The following FAM110B variants were observed in gnomAD, a reference collection of about 807,000 sequenced individuals.
The protein encoded by FAM110B is protein FAM110B.
A neutral mutation model predicts 20.4 loss-of-function variants in FAM110B; 6 were observed. The ratio of observed to expected loss-of-function variants is 0.29; its 90% CI spans 0.16 to 0.58. The LOEUF is 0.58. FAM110B is among the 20% of genes least tolerant of loss of function. The probability of loss-of-function intolerance (pLI) is 0.90; values close to 1 mark genes in which losing one functional copy is unlikely to be tolerated. For synonymous variants in FAM110B, 226 were observed against 214.1 expected, an observed-to-expected ratio of 1.06 and a Z score of -0.49; for missense variants, 434 against 498.2, an observed-to-expected ratio of 0.87 and a Z score of 1.23.
At chr8:58,134,871 T>C (rs1803572854) in intron 3 of FAM110B, among the ~76,000 whole-genome samples, 1 of 152,208 alleles carries the variant, frequency 6.6e-6, no homozygotes, top group Non-Finnish European at 1.5e-5. Flanking sequence ...GGTTATTTGG[T>C]TTAACAAAAA....
chr8:58,069,411 A>T (rs1805841318), intron 2 of FAM110B, among the ~76,000 whole-genome samples: 1 of 152,210 alleles, frequency 6.6e-6, no homozygotes, highest in Non-Finnish European at 1.5e-5. Context: ...TCACAGCGCT[A>T]GGTAATGGAG....
intron 2 of FAM110B, chr8:58,043,308 G>A (rs1805256373): frequency 6.6e-6 from 1 of 152,318 alleles, no homozygotes; most frequent in Non-Finnish European, 1.5e-5. Flanking sequence ...CAGTGAGTGC[G>A]AGTTTGCTTT....
intron 1 of FAM110B, among the ~76,000 whole-genome samples, chr8:58,028,391 C>T (rs1410305417): frequency 1.3e-5 from 2 of 152,212 alleles, no homozygotes; most frequent in African/African-American, 4.8e-5. Context: ...CAGGCGTGAG[C>T]CACTGCGCCT....
At chr8:58,040,510 A>G (rs1163875812) in intron 2 of FAM110B, among the ~76,000 whole-genome samples, 1 of 152,166 alleles carries the variant, frequency 6.6e-6, no homozygotes, top group East Asian at 1.9e-4. Context: ...CCTAGATTAG[A>G]GCTGGAGGAA....
At chr8:58,145,059 A>G (rs1803829396) in intron 3 of FAM110B, among the ~76,000 whole-genome samples, 1 of 152,204 alleles carries the variant, frequency 6.6e-6, no homozygotes, top group Non-Finnish European at 1.5e-5. Flanking sequence ...CTAGTACTGT[A>G]GAGGATTTGG....
At chr8:58,004,424 A>G (rs903963679) in intron 1 of FAM110B, among the ~76,000 whole-genome samples, 37 of 152,170 alleles carry the variant, frequency 2.4e-4, no homozygotes, top group African/African-American at 8.7e-4. Context: ...TTGCACTTCT[A>G]TGTTATGGAG....
chr8:58,014,847 G>A (rs1804606710), intron 1 of FAM110B, among the ~76,000 whole-genome samples: 1 of 152,048 alleles, frequency 6.6e-6, no homozygotes, highest in Admixed American at 6.5e-5. Flanking sequence ...AAATGTTTTT[G>A]TACCATATTC....
rs111678456 is a variant in FAM110B at position 58,108,768 on chromosome 8, CG to C, written c.-325+33147del. Among the ~76,000 whole-genome samples, 764 of 152,330 alleles carry C rather than the reference CG, an allele frequency of 5.0e-3. 7 individuals carry two copies. Among genetic ancestry groups the C allele is most frequent in the African/African-American group, 0.017 (694 of 41,564 alleles). On this transcript the variant is annotated intron_variant, in intron 3 of 3. Transcript: ENST00000519262. ...TTCCTTCTGCTCAGAGGGCCTGTCC[CG>C]GTCTCCCACTTTTCCATGTTGTGAA...
At chr8:58,130,290 C>A (rs901521625) in intron 3 of FAM110B, among the ~76,000 whole-genome samples, 1 of 152,114 alleles carries the variant, frequency 6.6e-6, no homozygotes, top group African/African-American at 2.4e-5. Context: ...TTCTCCAGTT[C>A]GTTAAAAAGA....
At chr8:58,123,763 G>GA (rs1807424156) in intron 3 of FAM110B, among the ~76,000 whole-genome samples, 1 of 152,072 alleles carries the variant, frequency 6.6e-6, no homozygotes, top group Admixed American at 6.5e-5. Flanking sequence ...TACTCATCGA[G>GA]AAAAAAATCT....
chr8:58,098,759 CAGCTTCCCTTGGCTAGGGGA>C (rs1313771787), intron 3 of FAM110B, among the ~76,000 whole-genome samples: 9 of 141,166 alleles, frequency 6.4e-5, no homozygotes, highest in African/African-American at 2.4e-4. Context: ...TAGCCCCTCA[CAGCTTCCCTTGGCTAGGGGA>C]GGGAGTTCCC....
At chr8:58,030,399 G>A (rs1804939588) in intron 1 of FAM110B, among the ~76,000 whole-genome samples, 1 of 152,120 alleles carries the variant, frequency 6.6e-6, no homozygotes, top group South Asian at 2.1e-4. Context: ...AATCTTAGTT[G>A]TTATTTAAAT....
chr8:58,050,848 T>C (rs1309384125), intron 2 of FAM110B, among the ~76,000 whole-genome samples: 1 of 152,018 alleles, frequency 6.6e-6, no homozygotes, highest in Admixed American at 6.6e-5. Context: ...CACCAGGGGG[T>C]GGGAAATCCT....
intron 3 of FAM110B, among the ~76,000 whole-genome samples, chr8:58,135,026 A>T (rs1186769549): frequency 6.6e-6 from 1 of 152,210 alleles, no homozygotes; most frequent in Non-Finnish European, 1.5e-5. Flanking sequence ...AAGCATTTAA[A>T]AATACATTTG....
chr8:58,079,316 G>A (rs549171742), intron 3 of FAM110B, among the ~76,000 whole-genome samples: 1 of 152,286 alleles, frequency 6.6e-6, no homozygotes, highest in Admixed American at 6.5e-5. Context: ...AAGAAGCAGG[G>A]ATTTTAGATG....
intron 3 of FAM110B, chr8:58,113,515 T>G (rs981905095): frequency 5.4e-6 from 1 of 186,712 alleles, no homozygotes; most frequent in African/African-American, 2.3e-5. Context: ...TGTCAGCTCT[T>G]TGGAAAGAGA....
At position 58,146,333 on chromosome 8, in the gene FAM110B, G is replaced by C. The variant is rs1156437250; in HGVS notation, c.103G>C (p.Asp35His). 7.4e-6 allele frequency: 12 copies of C among 1,614,072 alleles called. No homozygotes were observed. The highest frequency in any genetic ancestry group is 1.0e-5 in the Non-Finnish European group (12 of 1,180,004). The change falls in exon 4 of 4, where the codon GAC (aspartate) becomes CAC (histidine). Residue 35 changes from aspartate to histidine, a missense_variant. Asp to His is a moderately conservative substitution (Grantham distance 81). Transcript: ENST00000519262. Reference protein sequence around the residue: ...VPLRILNKGPDYFRRQAEPNP... With the variant: ...VPLRILNKGPHYFRRQAEPNP... ...CCTGCGCATCCTGAACAAGGGGCCAGACTACTTCCGCAGGCAGGCCGAGCC... is the reference window on the plus strand; with the variant it reads ...CCTGCGCATCCTGAACAAGGGGCCACACTACTTCCGCAGGCAGGCCGAGCC...
At chr8:58,079,105 G>GT (rs1437022113) in intron 3 of FAM110B, among the ~76,000 whole-genome samples, 5 of 152,128 alleles carry the variant, frequency 3.3e-5, no homozygotes, top group Non-Finnish European at 4.4e-5. Context: ...CAGATCAGCT[G>GT]TTTGCCAAGA....
At chr8:58,135,012 T>C (rs1048448753) in intron 3 of FAM110B, among the ~76,000 whole-genome samples, 3 of 152,200 alleles carry the variant, frequency 2.0e-5, no homozygotes, top group African/African-American at 7.2e-5. Flanking sequence ...ATTACTTTAA[T>C]ATAAAGCATT....
Sources: gnomAD v4.1 joint callset for allele counts (sites outside exome capture counted in the v4.1 genomes callset) on GRCh38, gnomAD v4.1.1 for gene constraint, MANE v1.5 for transcripts, NCBI Gene and HGNC (gene_info 2026-07-23, HGNC 2026-07-21) for gene names.